TMEM232: variants seen among roughly 807,000 people sequenced by gnomAD.
TMEM232 encodes the protein transmembrane protein 232.
A neutral mutation model predicts 78.8 loss-of-function variants in TMEM232; 80 were observed. The ratio of observed to expected loss-of-function variants is 1.01; its 90% confidence interval spans 0.85 to 1.22. TMEM232 has a LOEUF of 1.22. Among genes scored for constraint, TMEM232 ranks in the 50% most tolerant of loss-of-function variants. The pLI, the probability that TMEM232 is intolerant of heterozygous loss-of-function variation, is 0.00. For synonymous variants in TMEM232, 297 were observed against 254.3 expected (o/e 1.17, Z -1.60); for missense variants, 881 against 742.2 (o/e 1.19, Z -2.17).
At chr5:110,694,047 C>T (rs1794464465) in intron 1 of TMEM232, among the ~76,000 whole-genome samples, 1 of 152,038 alleles carries the variant, frequency 6.6e-6, no homozygotes, top group South Asian at 2.1e-4. Context: ...TTAAGCGCAA[C>T]CACAGAGAAA....
chr5:110,470,759 T>G (rs962579372), intron 12 of TMEM232, among the ~76,000 whole-genome samples: 9 of 152,154 alleles, frequency 5.9e-5, no homozygotes, highest in Admixed American at 1.3e-4. Context: ...GAAAGCCACT[T>G]TCTAAAGTTT....
chr5:110,486,330 C>G (rs1438098855), intron 12 of TMEM232, among the ~76,000 whole-genome samples: 1 of 152,006 alleles, frequency 6.6e-6, no homozygotes, highest in Non-Finnish European at 1.5e-5. Context: ...TAATTAGGTC[C>G]CAGCTATTTA....
chr5:110,605,465 T>C (rs1463824342), intron 9 of TMEM232, 107 bp from the exon 10 acceptor site: 1 of 1,261,532 alleles, frequency 7.9e-7, no homozygotes, highest in Non-Finnish European at 1.1e-6. Flanking sequence ...AACTAATATA[T>C]CTAAATGTGT....
chr5:110,688,011 T>A (rs1260955496), intron 1 of TMEM232, among the ~76,000 whole-genome samples: 1 of 152,150 alleles, frequency 6.6e-6, no homozygotes, highest in Non-Finnish European at 1.5e-5. Flanking sequence ...ATATCATTGA[T>A]GTCTCTTAAG....
chr5:110,530,569 T>C (rs1403158690), intron 11 of TMEM232, among the ~76,000 whole-genome samples: 1 of 152,176 alleles, frequency 6.6e-6, no homozygotes, highest in Non-Finnish European at 1.5e-5. Context: ...AATTCTACCA[T>C]TTGTAACAAC....
intron 6 of TMEM232, among the ~76,000 whole-genome samples, chr5:110,627,283 G>C (rs1784534649): frequency 1.3e-5 from 2 of 151,932 alleles, no homozygotes; most frequent in Admixed American, 1.3e-4. Context: ...CTGAAATTCA[G>C]GGAGGTAGAT....
chr5:110,602,916 A>T (rs1489357426), intron 10 of TMEM232, among the ~76,000 whole-genome samples: 3 of 152,206 alleles, frequency 2.0e-5, no homozygotes, highest in African/African-American at 7.2e-5. Context: ...AATTGACTGG[A>T]TAAAGAAAAT....
chr5:110,519,375 C>A (rs1006098845), intron 12 of TMEM232, among the ~76,000 whole-genome samples: 1 of 152,022 alleles, frequency 6.6e-6, no homozygotes, highest in African/African-American at 2.4e-5. Context: ...GATTAATGTT[C>A]GACATCACTA....
intron 1 of TMEM232, among the ~76,000 whole-genome samples, chr5:110,693,404 C>T (rs2150234966): frequency 6.6e-6 from 1 of 152,298 alleles, no homozygotes; most frequent in Non-Finnish European, 1.5e-5. Context: ...TGCCTCTCCT[C>T]CTCCAAAGGA....
intron 1 of TMEM232, among the ~76,000 whole-genome samples, chr5:110,679,666 C>G (rs1435854319): frequency 6.6e-6 from 1 of 151,978 alleles, no homozygotes; most frequent in African/African-American, 2.4e-5. Flanking sequence ...TCACTAATAT[C>G]TTTGTTTTGT....
chr5:110,668,820 A>G (rs577117005), intron 1 of TMEM232, among the ~76,000 whole-genome samples: 113 of 152,000 alleles, frequency 7.4e-4, no homozygotes, highest in African/African-American at 2.6e-3. Context: ...CAGGATTAAG[A>G]AACTCACTCA....
intron 6 of TMEM232, 144 bp downstream of exon 6, chr5:110,627,637 G>A (rs966499333): frequency 1.7e-5 from 9 of 517,784 alleles, no homozygotes; most frequent in Non-Finnish European, 2.7e-5. Flanking sequence ...AATGCAATCT[G>A]GCCCTGAAGC....
At chr5:110,681,908 T>C (rs947198339) in intron 1 of TMEM232, among the ~76,000 whole-genome samples, 4 of 152,206 alleles carry the variant, frequency 2.6e-5, no homozygotes, top group African/African-American at 7.2e-5. Flanking sequence ...GACTTGTGAA[T>C]TGTACAAAAA....
At chr5:110,647,701 C>T (rs1787694274) in intron 2 of TMEM232, among the ~76,000 whole-genome samples, 1 of 151,884 alleles carries the variant, frequency 6.6e-6, no homozygotes, top group Non-Finnish European at 1.5e-5. Flanking sequence ...TATAGATGTA[C>T]TTCAACAAAT....
chr5:110,620,794 C>A (rs1211944772), intron 7 of TMEM232, among the ~76,000 whole-genome samples: 1 of 150,892 alleles, frequency 6.6e-6, no homozygotes, highest in African/African-American at 2.4e-5. Flanking sequence ...CCTGCCACAC[C>A]TGCGAATTTT....
Position 110,633,526 on chromosome 5 carries a change from A to G in TMEM232, c.501+4672T>C, listed in dbSNP as rs950960047. Among the ~76,000 whole-genome samples, 15 of 151,968 alleles carry G rather than the reference A, an allele frequency of 9.9e-5. 1 individual carries two copies. Among genetic ancestry groups the G allele is most frequent in the Admixed American group, 4.6e-4 (7 of 15,258 alleles). ...CGTGTTGAGGGAGGGAGGTGACTGA[A>G]TCATGGGGGTGGTTTCCCCATGCTC... On this transcript the variant is annotated intron_variant, in intron 5 of 13. Transcript: ENST00000455884.
In TMEM232 at chr5:110,618,539, C is replaced by T. The variant is rs1783226546; in HGVS notation, c.792G>A (p.Leu264=). The T allele has an allele frequency of 6.5e-7, 1 of 1,549,356 alleles. No homozygotes were observed. The highest frequency in any genetic ancestry group is 1.4e-5 in the African/African-American group (1 of 73,032). Residue 264 remains leucine, a synonymous_variant, in exon 8 of 14, where the codon CTG becomes CTA. Coordinates refer to ENST00000455884, the MANE Select transcript of TMEM232 (RefSeq NM_001039763.4). ...SDMGGYEINH[L]LWHCVAAWSC... is the part of the protein sequence containing the mutation. Reference sequence around the variant, plus strand: ...ACCAAGCAGCAACACAGTGCCAGAGCAGGTGGTTAATTTCATATCCTCCCT... The same window carrying T: ...ACCAAGCAGCAACACAGTGCCAGAGTAGGTGGTTAATTTCATATCCTCCCT...
chr5:110,517,235 A>T (rs901511899), intron 12 of TMEM232, among the ~76,000 whole-genome samples: 1 of 152,148 alleles, frequency 6.6e-6, no homozygotes, highest in Non-Finnish European at 1.5e-5. Flanking sequence ...TCAGGTGTTG[A>T]TTCACTCTAT....
intron 2 of TMEM232, among the ~76,000 whole-genome samples, chr5:110,658,843 A>C (rs762579489): frequency 1.3e-4 from 20 of 152,196 alleles, no homozygotes; most frequent in Non-Finnish European, 2.4e-4. Context: ...GTTTATCTTC[A>C]TCATTAGCCA....
Sources: gnomAD v4.1 joint callset for allele counts (sites outside exome capture counted in the v4.1 genomes callset) on GRCh38, gnomAD v4.1.1 for gene constraint, MANE v1.5 for transcripts, NCBI Gene and HGNC (gene_info 2026-07-23, HGNC 2026-07-21) for gene names.